The following ZC3H12C variants were observed in gnomAD, a reference collection of about 807,000 sequenced individuals.
ZC3H12C encodes zinc finger CCCH-type containing 12C, also known as probable ribonuclease ZC3H12C.
Under a neutral mutation model 76.3 loss-of-function variants are expected in ZC3H12C, and 20 were observed. The ratio of observed to expected loss-of-function variants is 0.26; its 90% CI spans 0.18 to 0.38. The LOEUF is 0.38. ZC3H12C is among the 10% of genes least tolerant of loss of function. The probability of loss-of-function intolerance (pLI) is 1.00; values close to 1 mark genes in which losing one functional copy is unlikely to be tolerated. For synonymous variants in ZC3H12C, 352 were observed against 399.6 expected (o/e 0.88, Z 1.42); for missense variants, 874 against 1,086.5 (o/e 0.80, Z 2.75).
intron 1 of ZC3H12C, among the ~76,000 whole-genome samples, chr11:110,130,635 A>G (rs546876015): frequency 1.5e-3 from 236 of 152,368 alleles, no homozygotes; most frequent in Non-Finnish European, 2.8e-3. Flanking sequence ...ACTTTAAAAT[A>G]TAATTGGTTT....
At chr11:110,131,344 G>A (rs1565258079) in intron 1 of ZC3H12C, 1 of 514,272 alleles carries the variant, frequency 1.9e-6, no homozygotes, top group African/African-American at 2.0e-5. Context: ...CATTTATAAG[G>A]CATTAGGCAT....
chr11:110,112,505 G>T (rs1861451763), intron 1 of ZC3H12C, among the ~76,000 whole-genome samples: 2 of 152,150 alleles, frequency 1.3e-5, no homozygotes, highest in African/African-American at 4.8e-5. Flanking sequence ...TTGGAATTTT[G>T]ATTTTTGGTG....
At chr11:110,101,844 C>A (rs1861222530) in intron 1 of ZC3H12C, among the ~76,000 whole-genome samples, 1 of 151,908 alleles carries the variant, frequency 6.6e-6, no homozygotes, top group East Asian at 1.9e-4. Flanking sequence ...GCCACCTCAC[C>A]CAGCCCAATG....
chr11:110,148,338 C>T (rs1476054318), intron 2 of ZC3H12C, among the ~76,000 whole-genome samples: 1 of 152,056 alleles, frequency 6.6e-6, no homozygotes, highest in African/African-American at 2.4e-5. Flanking sequence ...ATAAAAGAAG[C>T]CTTTTATTTT....
Position 110,166,475 on chromosome 11 carries a change from GA to G in ZC3H12C, c.*743del, listed in dbSNP as rs931347973. The stretch of plus-strand genomic sequence containing the variant: ...TAAAAGAAAGCAGATGCAATCAATG[GA>G]AAAATGTTTCCATTTTTTAAAAATG... On this transcript the variant is annotated 3_prime_UTR_variant, in exon 6 of 6. Coordinates refer to ENST00000278590, the MANE Select transcript of ZC3H12C (RefSeq NM_033390.2). 5.9e-5 allele frequency: 9 copies of G among 152,182 alleles called. No homozygotes were observed. Among genetic ancestry groups the G allele is most frequent in the Admixed American group, 3.9e-4 (6 of 15,292 alleles). 9.4% of individuals were successfully genotyped at this position (152,182 alleles called of 1,614,324 possible).
At chr11:110,143,698 T>C (rs1183336706) in intron 2 of ZC3H12C, among the ~76,000 whole-genome samples, 3 of 152,188 alleles carry the variant, frequency 2.0e-5, no homozygotes, top group Non-Finnish European at 4.4e-5. Context: ...TGTATGTGTA[T>C]ATATGTATAA....
chr11:110,103,849 C>T (rs149984293), intron 1 of ZC3H12C, among the ~76,000 whole-genome samples: 1,916 of 152,214 alleles, frequency 0.013, 46 homozygotes, highest in African/African-American at 0.044. Context: ...GTGATCCGCC[C>T]GCCTTGGCCT....
At position 110,171,049 on chromosome 11, in the gene ZC3H12C, T is replaced by G. The variant is rs984999305; in HGVS notation, c.*5312T>G. On this transcript the variant is annotated 3_prime_UTR_variant, in exon 6 of 6. Coordinates refer to ENST00000278590, the MANE Select transcript of ZC3H12C (RefSeq NM_033390.2). ...CTTGGTTTTATAAAATCTGTAATGT[T>G]TCACTTCTTGAACCATGTACCAAAT... 3.3e-5 allele frequency: 5 copies of G among 152,252 alleles called. No individual in the cohort carries two copies. The highest frequency in any genetic ancestry group is 4.8e-5 in the African/African-American group (2 of 41,470). 9.4% of individuals were successfully genotyped at this position (152,252 alleles called of 1,614,324 possible). A position where few individuals can be genotyped will look rare whatever the true frequency, so the allele number is the denominator to read the frequency against.
At chr11:110,119,945 C>T (rs747995509) in intron 1 of ZC3H12C, among the ~76,000 whole-genome samples, 7 of 152,242 alleles carry the variant, frequency 4.6e-5, no homozygotes, top group Admixed American at 3.9e-4. Flanking sequence ...GGGACACCAA[C>T]ATTCAGATCA....
intron 2 of ZC3H12C, among the ~76,000 whole-genome samples, chr11:110,138,097 A>T (rs894508990): frequency 1.1e-4 from 16 of 151,306 alleles, no homozygotes; most frequent in Admixed American, 6.6e-4. Flanking sequence ...CCTATAGCAA[A>T]ATATATATAT....
intron 2 of ZC3H12C, among the ~76,000 whole-genome samples, chr11:110,145,687 CTCT>C (rs1862154238): frequency 6.6e-6 from 1 of 152,208 alleles, no homozygotes; most frequent in South Asian, 2.1e-4. Flanking sequence ...TAGGATGCCT[CTCT>C]TCTTCAAAAT....
At chr11:110,126,787 T>C (rs948118485) in intron 1 of ZC3H12C, among the ~76,000 whole-genome samples, 1 of 152,196 alleles carries the variant, frequency 6.6e-6, no homozygotes, top group African/African-American at 2.4e-5. Context: ...GTTAATAATA[T>C]TAGTTATTTT....
chr11:110,158,234 G>A (rs1294223322), intron 3 of ZC3H12C, among the ~76,000 whole-genome samples: 3 of 152,156 alleles, frequency 2.0e-5, no homozygotes, highest in Non-Finnish European at 4.4e-5. Context: ...AACCAGCCGG[G>A]CACGGTGGCT....
intron 1 of ZC3H12C, among the ~76,000 whole-genome samples, chr11:110,132,938 G>A (rs553957171): frequency 4.6e-5 from 7 of 152,122 alleles, no homozygotes; most frequent in Non-Finnish European, 1.0e-4. Context: ...TCTTTTAAAA[G>A]TTATATTAAT....
chr11:110,139,041 C>T (rs2134179150), intron 2 of ZC3H12C, among the ~76,000 whole-genome samples: 1 of 152,276 alleles, frequency 6.6e-6, no homozygotes, highest in Middle Eastern at 3.4e-3. Flanking sequence ...GTAACTCAGG[C>T]ATCACTTTGT....
Position 110,164,611 on chromosome 11 carries a change from C to A in ZC3H12C, c.1526C>A (p.Thr509Asn), listed in dbSNP as rs1224910019. The change falls in exon 6 of 6, where the codon ACC becomes AAC. Residue 509 changes from threonine (T) to asparagine (N), a missense_variant. Physicochemically the swap from Thr to Asn is moderately conservative, Grantham distance 65. Transcript: ENST00000278590. This position sits in a 1 kb window ranked among gnomAD's most constrained non-coding sequence, Gnocchi z 5.7. ...VYQDLEEKLPTKNKLETRSVP... is the reference protein window; with the variant it reads ...VYQDLEEKLPNKNKLETRSVP... ...CAAGACCTAGAAGAAAAGCTTCCCA[C>A]CAAAAACAAATTGGAAACCAGGTCT... is the stretch of plus-strand genomic sequence containing the variant. The A allele has an allele frequency of 6.2e-7, 1 of 1,613,898 alleles. No homozygotes were observed. The highest frequency in any genetic ancestry group is 8.5e-7 in the Non-Finnish European group (1 of 1,179,910).
At chr11:110,093,840 C>T (rs1655155887) in intron 1 of ZC3H12C, among the ~76,000 whole-genome samples, 1 of 150,134 alleles carries the variant, frequency 6.7e-6, no homozygotes, top group African/African-American at 2.4e-5. Flanking sequence ...CTCAGACTCG[C>T]GCGCGCTCGT....
At position 110,093,451 on chromosome 11, in the gene ZC3H12C, G is replaced by C; in HGVS notation, c.21+19G>C. 8.3e-7 allele frequency: 1 copy of C among 1,205,296 alleles called. No individual in the cohort carries two copies. The highest frequency in any genetic ancestry group is 1.0e-6 in the Non-Finnish European group (1 of 966,320). 74.7% of individuals were successfully genotyped at this position (1,205,296 alleles called of 1,614,324 possible). On this transcript the variant is annotated intron_variant, in intron 1 of 5. Transcript: ENST00000278590. ...CTCCCAGGTTTGTCCTCGGGAAGGG[G>C]GTGGGGGACGCGGACCGCGGCGAGA...
intron 1 of ZC3H12C, among the ~76,000 whole-genome samples, chr11:110,103,716 C>G (rs1247227678): frequency 6.6e-6 from 1 of 151,930 alleles, no homozygotes; most frequent in Non-Finnish European, 1.5e-5. Flanking sequence ...TGCCACTCTC[C>G]TGACTCAGCC....
Sources: allele counts gnomAD v4.1 joint callset (sites outside exome capture counted in the v4.1 genomes callset), GRCh38; gene constraint gnomAD v4.1.1; non-coding constraint Gnocchi (gnomAD v3.1); transcripts MANE v1.5; gene names NCBI Gene and HGNC (gene_info 2026-07-23, HGNC 2026-07-21).